The following KLF12 variants were observed in gnomAD, a reference collection of about 807,000 sequenced individuals.
The protein encoded by KLF12 is KLF transcription factor 12.
Under a neutral mutation model 37.8 loss-of-function variants are expected in KLF12, and 9 were observed. That is an observed-to-expected ratio of 0.24 (90% CI 0.14 to 0.42). The LOEUF (loss-of-function observed/expected upper bound fraction) is 0.42, where lower values mean the gene tolerates loss of function less well. Among genes scored for constraint, KLF12 ranks in the 10% least tolerant of loss-of-function variants. The pLI is 1.00. For synonymous variants in KLF12, 208 were observed against 202.1 expected (o/e 1.03, Z -0.25); for missense variants, 411 against 516.0 (o/e 0.80, Z 1.97).
chr13:74,144,599 C>G, the KLF12 span, among the ~76,000 whole-genome samples: 1 of 152,108 alleles, frequency 6.6e-6, no homozygotes, highest in Non-Finnish European at 1.5e-5. Context: ...ATATGTATGG[C>G]TGAACATTGT....
chr13:74,201,196 G>C, the KLF12 span, among the ~76,000 whole-genome samples: 6 of 152,110 alleles, frequency 3.9e-5, no homozygotes, highest in Admixed American at 6.5e-5. Flanking sequence ...AGAGATGTAT[G>C]TTCTAACATT....
chr13:74,100,898 G>T (rs1316851364), intron 1 of KLF12, among the ~76,000 whole-genome samples: 1 of 152,054 alleles, frequency 6.6e-6, no homozygotes, highest in African/African-American at 2.4e-5. Flanking sequence ...GGATCTCTCT[G>T]AAGTTTCCTC....
At chr13:74,168,064 C>G in the KLF12 span, among the ~76,000 whole-genome samples, 3 of 152,154 alleles carry the variant, frequency 2.0e-5, no homozygotes, top group Non-Finnish European at 4.4e-5. Flanking sequence ...ACAAAAACAG[C>G]GTGCATCTTT....
the KLF12 span, among the ~76,000 whole-genome samples, chr13:74,232,792 G>T: frequency 6.6e-6 from 1 of 152,266 alleles, no homozygotes; most frequent in South Asian, 2.1e-4. Flanking sequence ...ACAAAAAAGT[G>T]TTGGGCCATC....
chr13:74,061,152 T>C (rs1298112483), intron 1 of KLF12, among the ~76,000 whole-genome samples: 1 of 152,232 alleles, frequency 6.6e-6, no homozygotes, highest in South Asian at 2.1e-4. Context: ...AGGTACCAAA[T>C]GAGGCATTTC....
At chr13:73,822,030 G>A (rs1040568875) in intron 4 of KLF12, among the ~76,000 whole-genome samples, 1 of 152,136 alleles carries the variant, frequency 6.6e-6, no homozygotes, top group Non-Finnish European at 1.5e-5. Context: ...GGGAGACCAC[G>A]TCAATTATAC....
chr13:74,304,527 T>C, the KLF12 span, among the ~76,000 whole-genome samples: 3 of 152,178 alleles, frequency 2.0e-5, no homozygotes, highest in Non-Finnish European at 4.4e-5. Flanking sequence ...GTTATGTTTA[T>C]ATTATGCTAA....
intron 6 of KLF12, among the ~76,000 whole-genome samples, chr13:73,721,983 A>T (rs9530232): frequency 0.64 from 96,747 of 151,984 alleles, 31,287 homozygotes; most frequent in East Asian, 0.73. Context: ...CCCTTCCCTG[A>T]CATTCCACTT....
At chr13:73,966,068 C>T (rs554613352) in intron 2 of KLF12, among the ~76,000 whole-genome samples, 2 of 152,292 alleles carry the variant, frequency 1.3e-5, no homozygotes, top group African/African-American at 2.4e-5. Context: ...GTATTAATTT[C>T]CCTGCTGTTT....
At chr13:73,774,916 CTT>C (rs59877053) in intron 5 of KLF12, among the ~76,000 whole-genome samples, 7,920 of 130,158 alleles carry the variant, frequency 0.061, 371 homozygotes, top group East Asian at 0.19. Context: ...CTCTCGCATT[CTT>C]TTTTTTTTTT....
the KLF12 span, among the ~76,000 whole-genome samples, chr13:74,234,081 A>G: frequency 6.6e-6 from 1 of 152,320 alleles, no homozygotes; most frequent in East Asian, 1.9e-4. Context: ...TAATAGGAGG[A>G]TAACAGGTAG....
chr13:73,950,059 A>C (rs1425764801), intron 2 of KLF12, among the ~76,000 whole-genome samples: 1 of 152,240 alleles, frequency 6.6e-6, no homozygotes, highest in East Asian at 1.9e-4. Context: ...ATGGAACAGT[A>C]TCTCTCCTAA....
At chr13:74,281,077 G>A in the KLF12 span, among the ~76,000 whole-genome samples, 1 of 151,652 alleles carries the variant, frequency 6.6e-6, no homozygotes, top group African/African-American at 2.4e-5. Context: ...TCTATACTTT[G>A]TTGTATTTTA....
chr13:74,204,494 A>G, the KLF12 span, among the ~76,000 whole-genome samples: 12 of 152,240 alleles, frequency 7.9e-5, no homozygotes, highest in African/African-American at 2.9e-4. Flanking sequence ...TTCCCTTATA[A>G]AATTATTCTT....
intron 4 of KLF12, among the ~76,000 whole-genome samples, chr13:73,829,600 C>G (rs1162860816): frequency 1.3e-5 from 2 of 152,140 alleles, no homozygotes; most frequent in Non-Finnish European, 2.9e-5. Context: ...AAGTTCTTCT[C>G]TGAGCATATT....
intron 3 of KLF12, among the ~76,000 whole-genome samples, chr13:73,926,300 G>A (rs1371357531): frequency 6.6e-6 from 1 of 152,148 alleles, no homozygotes; most frequent in East Asian, 1.9e-4. Context: ...TGATCAGTCA[G>A]TGGCCATCAA....
At chr13:74,077,426 T>A (rs1593880391) in intron 1 of KLF12, among the ~76,000 whole-genome samples, 1 of 152,170 alleles carries the variant, frequency 6.6e-6, no homozygotes, top group Admixed American at 6.5e-5. Context: ...TGTAGCAAAA[T>A]TTTGAAACTA....
intron 4 of KLF12, among the ~76,000 whole-genome samples, chr13:73,822,975 T>C (rs1010108150): frequency 1.3e-5 from 2 of 152,176 alleles, no homozygotes; most frequent in African/African-American, 4.8e-5. Context: ...GAAACTACTA[T>C]AGGCAGAGAT....
intron 1 of KLF12, among the ~76,000 whole-genome samples, chr13:74,112,089 C>A (rs1877002562): frequency 6.6e-6 from 1 of 152,148 alleles, no homozygotes; most frequent in South Asian, 2.1e-4. Context: ...GGTCAGTGGA[C>A]AATGACCTAT....
Sources: gnomAD v4.1 joint callset for allele counts (sites outside exome capture counted in the v4.1 genomes callset) on GRCh38, gnomAD v4.1.1 for gene constraint, MANE v1.5 for transcripts, NCBI Gene and HGNC (gene_info 2026-07-23, HGNC 2026-07-21) for gene names.